Variants in PECR observed in about 807,000 individuals in gnomAD.
PECR encodes 2,4-dienoyl-CoA reductase-related protein.
PECR carries 30 observed loss-of-function variants against 35.3 expected under a neutral mutation model. The ratio of observed to expected loss-of-function variants is 0.85; its 90% CI spans 0.64 to 1.15. The LOEUF (loss-of-function observed/expected upper bound fraction) is 1.15, where lower values mean the gene tolerates loss of function less well. Ranked by LOEUF, PECR falls within the 50% of genes most tolerant of loss-of-function variation. The pLI is 0.00. For missense variants in PECR, 392 were observed against 370.8 expected (o/e 1.06, Z -0.47); for synonymous variants, 148 against 138.9 (o/e 1.07, Z -0.46).
chr2:216,062,206 C>T (rs1022967767), intron 3 of PECR, among the ~76,000 whole-genome samples: 23 of 151,950 alleles, frequency 1.5e-4, no homozygotes, highest in African/African-American at 4.4e-4. Context: ...CCACCACTCC[C>T]GGCTAATGTT....
At chr2:216,075,691 G>C (rs1204044752) in intron 1 of PECR, among the ~76,000 whole-genome samples, 2 of 152,142 alleles carry the variant, frequency 1.3e-5, no homozygotes, top group African/African-American at 4.8e-5. Flanking sequence ...AACATCAGAG[G>C]CTTGTAGCCC....
chr2:216,070,246 T>C (rs749229134), intron 1 of PECR, among the ~76,000 whole-genome samples: 3 of 152,242 alleles, frequency 2.0e-5, no homozygotes, highest in Non-Finnish European at 4.4e-5. Flanking sequence ...AAATATATTG[T>C]GGAATGATGA....
intron 1 of PECR, 41 bp downstream of exon 1, chr2:216,081,577 C>T: frequency 6.2e-7 from 1 of 1,612,606 alleles, no homozygotes; most frequent in East Asian, 2.2e-5. Flanking sequence ...TACCCCAGGT[C>T]ACCACAGCCA....
chr2:216,062,833 T>C (rs1574696596), intron 3 of PECR, among the ~76,000 whole-genome samples: 1 of 152,228 alleles, frequency 6.6e-6, no homozygotes, highest in East Asian at 1.9e-4. Flanking sequence ...ACTTTTTCTA[T>C]GTCGAGATAC....
chr2:216,079,671 A>G (rs912633077), intron 1 of PECR, among the ~76,000 whole-genome samples: 1 of 145,184 alleles, frequency 6.9e-6, no homozygotes. Flanking sequence ...CCGGCCCTGC[A>G]TGTATATATT....
intron 7 of PECR, among the ~76,000 whole-genome samples, chr2:216,031,520 G>GA: frequency 7.2e-6 from 1 of 138,340 alleles, no homozygotes; most frequent in Non-Finnish European, 1.6e-5. Flanking sequence ...AGGAAGGAAG[G>GA]GAAAAGAAAA....
At chr2:216,067,563 CTTT>C (rs202088759) in intron 1 of PECR, among the ~76,000 whole-genome samples, 2 of 143,848 alleles carry the variant, frequency 1.4e-5, no homozygotes, top group African/African-American at 2.6e-5. Flanking sequence ...TTTTCTTTTT[CTTT>C]TTTTTTTTTG....
In PECR at chr2:216,044,055, T is replaced by A. The variant is rs115170819; in HGVS notation, c.715-40A>T. On this transcript the variant is annotated intron_variant, in intron 6 of 7. Transcript: ENST00000265322. ...ACACATGTGCATAGGTAAAAGCAAA[T>A]ACTCCCCATTTCTAACCGCCTCACA... 9.4e-4 allele frequency: 968 copies of A among 1,031,946 alleles called. 12 individuals are homozygous for A. The African/African-American group carries it at 0.014, about 14-fold the overall frequency. The allele number at this position is 1,031,946 out of a possible 1,614,324, so 63.9% of individuals were successfully genotyped here.
chr2:216,043,855 A>G, intron 7 of PECR, 49 bp downstream of exon 7: 2 of 975,080 alleles, frequency 2.1e-6, no homozygotes, highest in Non-Finnish European at 3.3e-6. Context: ...TAAACCCCTG[A>G]ACATGACACA....
chr2:216,030,550 A>AT (rs538194722), intron 7 of PECR, among the ~76,000 whole-genome samples: 7,211 of 148,032 alleles, frequency 0.049, 209 homozygotes, highest in Middle Eastern at 0.087. Flanking sequence ...ATATTTTGCA[A>AT]TTTTTTTTTT....
chr2:216,041,169 T>C (rs1474729958), intron 7 of PECR, among the ~76,000 whole-genome samples: 1 of 152,102 alleles, frequency 6.6e-6, no homozygotes, highest in East Asian at 1.9e-4. Context: ...CTGAAAAAAA[T>C]ATTTTTAATG....
intron 4 of PECR, among the ~76,000 whole-genome samples, chr2:216,052,131 A>T (rs749817530): frequency 6.6e-6 from 1 of 152,214 alleles, no homozygotes. Context: ...GTTTGCAGTA[A>T]GCTGTTATCA....
At chr2:216,050,899 T>TA (rs34775320) in intron 5 of PECR, 4,511 of 102,360 alleles carry the variant, frequency 0.044, 72 homozygotes, top group Non-Finnish European at 0.055. Flanking sequence ...AGACTCCTTC[T>TA]AAAAAAAAAA....
chr2:216,073,833 C>A (rs1559219228), intron 1 of PECR, among the ~76,000 whole-genome samples: 1 of 152,050 alleles, frequency 6.6e-6, no homozygotes. Flanking sequence ...TAGGCTATAC[C>A]ATCTAGGTTT....
intron 3 of PECR, among the ~76,000 whole-genome samples, chr2:216,060,856 A>G (rs1695325351): frequency 6.7e-6 from 1 of 149,912 alleles, no homozygotes; most frequent in South Asian, 2.2e-4. Context: ...AATTCCATTC[A>G]TCAATAGTAA....
intron 4 of PECR, among the ~76,000 whole-genome samples, chr2:216,057,147 A>G (rs1695244237): frequency 6.6e-6 from 1 of 152,196 alleles, no homozygotes; most frequent in African/African-American, 2.4e-5. Flanking sequence ...TCTTAAAATT[A>G]CAAAGGCATT....
At chr2:216,033,927 T>C (rs914574690), downstream of PECR, 6 of 152,208 alleles carry the variant, frequency 3.9e-5, no homozygotes, top group African/African-American at 9.6e-5. Flanking sequence ...TCTTAAAACA[T>C]GGGCTCAGTA....
chr2:216,072,517 T>G (rs1231776025), intron 1 of PECR, among the ~76,000 whole-genome samples: 9 of 152,204 alleles, frequency 5.9e-5, no homozygotes, highest in African/African-American at 2.2e-4. Context: ...CTCACTCCCC[T>G]GCTTCTACCC....
rs946544830 is a variant in PECR, at chr2:216,039,192, A to G, written c.*83T>C. The G allele has an allele frequency of 5.0e-6, 4 of 804,914 alleles. No individual in the cohort carries two copies. The highest frequency in any genetic ancestry group is 8.9e-6 in the Non-Finnish European group (4 of 448,214). The allele number at this position is 804,914 out of a possible 1,614,324, so 49.9% of individuals were successfully genotyped here. A position where few individuals can be genotyped will look rare whatever the true frequency, so the allele number is the denominator to read the frequency against. ...AAATAAGAAAAATGTTTTCCATACC[A>G]ACTATAAGCTTTTAAAAAGTACAGA... On this transcript the variant is annotated 3_prime_UTR_variant, in exon 8 of 8. Transcript: ENST00000265322.
Sources: gnomAD v4.1 joint callset for allele counts (sites outside exome capture counted in the v4.1 genomes callset) on GRCh38, gnomAD v4.1.1 for gene constraint, MANE v1.5 for transcripts, NCBI Gene and HGNC (gene_info 2026-07-23, HGNC 2026-07-21) for gene names.